Variants in SIPA1L3 observed in about 807,000 individuals in gnomAD.
SIPA1L3 encodes the protein signal-induced proliferation-associated 1-like protein 3.
SIPA1L3 carries 59 observed loss-of-function variants against 150.1 expected under a neutral mutation model. The observed-to-expected ratio is 0.39, with a 90% CI of 0.32 to 0.49. SIPA1L3 has a LOEUF of 0.49. SIPA1L3 is among the 20% of genes least tolerant of loss of function. The pLI, the probability that SIPA1L3 is intolerant of heterozygous loss-of-function variation, is 0.86. For synonymous variants in SIPA1L3, 1,070 were observed against 1,077.6 expected, an observed-to-expected ratio of 0.99 and a Z score of 0.14; for missense variants, 2,211 against 2,489.5, an observed-to-expected ratio of 0.89 and a Z score of 2.38.
chr19:38,130,864 T>C, intron 10 of SIPA1L3, 92 bp downstream of exon 10: 2 of 1,387,182 alleles, frequency 1.4e-6, no homozygotes, highest in Non-Finnish European at 2.0e-6. Flanking sequence ...GAGGTCCCAA[T>C]AGAGGGGGGA....
intron 12 of SIPA1L3, among the ~76,000 whole-genome samples, chr19:38,150,264 G>C (rs1386517526): frequency 4.6e-5 from 7 of 152,156 alleles, no homozygotes; most frequent in African/African-American, 1.7e-4. Context: ...TTCCTGGCAA[G>C]TGAGTGGAGT....
intron 2 of SIPA1L3, among the ~76,000 whole-genome samples, chr19:38,054,395 T>C (rs1969270867): frequency 6.6e-6 from 1 of 152,128 alleles, no homozygotes; most frequent in Non-Finnish European, 1.5e-5. Context: ...TCACTTGACG[T>C]CAGAAGTTTG....
chr19:38,206,228 G>A lies in SIPA1L3; in HGVS notation c.5334G>A (p.Lys1778=). Residue 1778 remains lysine, a synonymous_variant, in exon 22 of 22, where the codon AAG becomes AAA. Coordinates refer to ENST00000222345, the MANE Select transcript of SIPA1L3 (RefSeq NM_015073.3). ...RKFAEIFCRE[K]KEL ...TTGCGGAGATCTTCTGCAGGGAGAAGAAGGAGCTCTGAGGTGGGAGGCCGC... is the reference window on the plus strand; with the variant it reads ...TTGCGGAGATCTTCTGCAGGGAGAAAAAGGAGCTCTGAGGTGGGAGGCCGC... 1 of 1,558,510 alleles carries A rather than the reference G, an allele frequency of 6.4e-7. No homozygotes were observed. Among genetic ancestry groups the A allele is most frequent in the Middle Eastern group, 1.7e-4 (1 of 5,982 alleles).
At chr19:38,122,760 C>T (rs1034373043) in intron 9 of SIPA1L3, among the ~76,000 whole-genome samples, 1 of 152,200 alleles carries the variant, frequency 6.6e-6, no homozygotes, top group African/African-American at 2.4e-5. Context: ...GCTAGGGCGG[C>T]GTCCAGCCTC....
intron 15 of SIPA1L3, among the ~76,000 whole-genome samples, chr19:38,174,469 C>T (rs902985075): frequency 2.0e-5 from 3 of 152,154 alleles, no homozygotes; most frequent in African/African-American, 7.2e-5. Flanking sequence ...GTCTACATCA[C>T]AGCTCCACCT....
At chr19:38,078,567 T>G (rs1261574700) in intron 2 of SIPA1L3, among the ~76,000 whole-genome samples, 1 of 127,646 alleles carries the variant, frequency 7.8e-6, no homozygotes, top group Non-Finnish European at 1.7e-5. Context: ...CACACAGACA[T>G]ACACAGAGAC....
chr19:37,999,421 G>C (rs954798201), intron 1 of SIPA1L3, among the ~76,000 whole-genome samples: 1 of 152,186 alleles, frequency 6.6e-6, no homozygotes, highest in Non-Finnish European at 1.5e-5. Context: ...GCTCCTGGAC[G>C]CACATGAGCA....
intron 1 of SIPA1L3, among the ~76,000 whole-genome samples, chr19:37,936,707 G>A (rs2046603873): frequency 6.6e-6 from 1 of 152,236 alleles, no homozygotes. Context: ...CCTCTGACAA[G>A]GGCATGGTGG....
chr19:38,149,269 C>T (rs1331930866), intron 12 of SIPA1L3, among the ~76,000 whole-genome samples: 2 of 152,082 alleles, frequency 1.3e-5, no homozygotes, highest in South Asian at 2.1e-4. Context: ...GGCACCTTGG[C>T]GTGTGCCTGT....
At chr19:38,033,532 G>A (rs1470752362) in intron 2 of SIPA1L3, among the ~76,000 whole-genome samples, 3 of 152,028 alleles carry the variant, frequency 2.0e-5, no homozygotes, top group African/African-American at 7.2e-5. Flanking sequence ...TACAAAAAAT[G>A]TTTTAAATAG....
chr19:37,919,321 G>A (rs992735863), intron 1 of SIPA1L3, among the ~76,000 whole-genome samples: 3 of 152,176 alleles, frequency 2.0e-5, no homozygotes, highest in African/African-American at 4.8e-5. Context: ...TTAATGATAC[G>A]AGCCAGCATT....
chr19:38,075,919 G>A (rs1216546690), intron 2 of SIPA1L3, among the ~76,000 whole-genome samples: 6 of 152,144 alleles, frequency 3.9e-5, no homozygotes, highest in Admixed American at 1.3e-4. Context: ...CGAGGTAGGC[G>A]GATCACAAGG....
intron 4 of SIPA1L3, among the ~76,000 whole-genome samples, chr19:38,098,953 G>A (rs1970438492): frequency 1.3e-5 from 2 of 152,258 alleles, no homozygotes; most frequent in Non-Finnish European, 2.9e-5. Flanking sequence ...GTCTTGTCTT[G>A]TCTTGTCCTT....
At chr19:38,092,595 C>T (rs1970284010) in intron 4 of SIPA1L3, among the ~76,000 whole-genome samples, 1 of 152,184 alleles carries the variant, frequency 6.6e-6, no homozygotes, top group Admixed American at 6.5e-5. Context: ...AGCACGGGGA[C>T]TCTTTGAGTC....
chr19:38,051,478 G>A (rs765782225), intron 2 of SIPA1L3, among the ~76,000 whole-genome samples: 36 of 152,172 alleles, frequency 2.4e-4, no homozygotes, highest in Non-Finnish European at 3.7e-4. Context: ...GATATGCATG[G>A]TTTTGATGTA....
intron 13 of SIPA1L3, among the ~76,000 whole-genome samples, chr19:38,156,920 T>G (rs1276365758): frequency 2.6e-5 from 4 of 152,096 alleles, no homozygotes; most frequent in Non-Finnish European, 5.9e-5. Flanking sequence ...TCTAGCACTG[T>G]GGGAGGCTGA....
Position 38,193,517 on chromosome 19 carries a change from A to C in SIPA1L3, c.4597-20A>C. On this transcript the variant is annotated intron_variant, in intron 17 of 21. Transcript: ENST00000222345. The stretch of plus-strand genomic sequence containing the variant: ...GAGCCAGTCTGTGACCTCCCCCAAC[A>C]TCCCACCCACGCCCCACAGCAGTCA... 1 of 1,440,348 alleles carries C rather than the reference A, an allele frequency of 6.9e-7. No individual in the cohort carries two copies. Among genetic ancestry groups the C allele is most frequent in the South Asian group, 1.5e-5 (1 of 66,714 alleles). 89.2% of individuals were successfully genotyped at this position (1,440,348 alleles called of 1,614,324 possible).
At chr19:38,044,227 G>A (rs1371719778) in intron 2 of SIPA1L3, among the ~76,000 whole-genome samples, 1 of 152,208 alleles carries the variant, frequency 6.6e-6, no homozygotes, top group Non-Finnish European at 1.5e-5. Context: ...AGACGTGGCT[G>A]AGTCTGTTCG....
chr19:38,049,646 G>T (rs1404574878), intron 2 of SIPA1L3, among the ~76,000 whole-genome samples: 1 of 152,122 alleles, frequency 6.6e-6, no homozygotes, highest in Non-Finnish European at 1.5e-5. Context: ...CTCCCCAGGG[G>T]TGGGATTAAG....
Sources: gnomAD v4.1 joint callset for allele counts (sites outside exome capture counted in the v4.1 genomes callset) on GRCh38, gnomAD v4.1.1 for gene constraint, MANE v1.5 for transcripts, NCBI Gene and HGNC (gene_info 2026-07-23, HGNC 2026-07-21) for gene names.